The following NFIA variants were observed in gnomAD, a reference collection of about 807,000 sequenced individuals.
NFIA encodes nuclear factor I A.
Under a neutral mutation model 62.8 loss-of-function variants are expected in NFIA, and 8 were observed. That is an observed-to-expected ratio of 0.13 (90% CI 0.07 to 0.23). The LOEUF (loss-of-function observed/expected upper bound fraction) is 0.23. NFIA is among the 10% of genes least tolerant of loss of function. The pLI, the probability that NFIA is intolerant of heterozygous loss-of-function variation, is 1.00. For synonymous variants in NFIA, 235 were observed against 238.1 expected, an observed-to-expected ratio of 0.99 and a Z score of 0.12; for missense variants, 410 against 642.1, an observed-to-expected ratio of 0.64 and a Z score of 3.91.
intron 2 of NFIA, among the ~76,000 whole-genome samples, chr1:61,090,811 C>T (rs1291076103): frequency 6.6e-6 from 1 of 152,188 alleles, no homozygotes; most frequent in African/African-American, 2.4e-5. Flanking sequence ...ATGGCTGCTT[C>T]TCTGTGCGCG....
intron 9 of NFIA, among the ~76,000 whole-genome samples, chr1:61,412,443 A>G (rs1666148033): frequency 6.6e-6 from 1 of 152,124 alleles, no homozygotes; most frequent in Non-Finnish European, 1.5e-5. Flanking sequence ...GGTTCCAGGT[A>G]TATTTGAAAG....
chr1:61,345,567 C>A (rs112845568), intron 4 of NFIA, among the ~76,000 whole-genome samples: 52 of 152,314 alleles, frequency 3.4e-4, no homozygotes, highest in African/African-American at 1.2e-3. Flanking sequence ...AACCGGACTG[C>A]ACAGCAGGAG....
At position 61,083,345 on chromosome 1, in the gene NFIA, C is replaced by A. The variant is rs1222092814; in HGVS notation, c.27+527C>A. Among the ~76,000 whole-genome samples, 3 of 152,164 alleles carry A rather than the reference C, an allele frequency of 2.0e-5. No homozygotes were observed. The East Asian group carries it at 5.8e-4, about 29-fold the overall frequency. On this transcript the variant is annotated intron_variant, in intron 1 of 10. Transcript: ENST00000403491. Reference sequence around the variant, plus strand: ...GGAGACCTCGGGTGCCTGCGCCCAACGGCCCGCTCCCCGCAGCCTGCGCTG... The same window carrying A: ...GGAGACCTCGGGTGCCTGCGCCCAAAGGCCCGCTCCCCGCAGCCTGCGCTG...
At chr1:61,324,949 G>C (rs1180060444) in intron 3 of NFIA, among the ~76,000 whole-genome samples, 7 of 152,144 alleles carry the variant, frequency 4.6e-5, no homozygotes, top group Non-Finnish European at 1.0e-4. Context: ...CAATGAACAA[G>C]ACTTCAGTGA....
chr1:61,398,055 G>C (rs966719796), intron 7 of NFIA, among the ~76,000 whole-genome samples: 2 of 152,136 alleles, frequency 1.3e-5, no homozygotes, highest in African/African-American at 4.8e-5. Context: ...GAATTTTGTG[G>C]GTCTACACCA....
Position 61,267,315 on chromosome 1 carries a change from C to A in NFIA, c.560-10205C>A, listed in dbSNP as rs966809177. 5.9e-5 allele frequency among the ~76,000 whole-genome samples: 9 copies of A among 152,242 alleles called. No individual in the cohort carries two copies. In the South Asian group the frequency reaches 1.9e-3, roughly 32 times the overall value. ...CCTGAGGTCAGTAGTTCGAGAGCAG[C>A]CTGGCCAACATGGTGAAACCCTGTC... On this transcript the variant is annotated intron_variant, in intron 2 of 10. Coordinates refer to ENST00000403491, the MANE Select transcript of NFIA (RefSeq NM_001134673.4).
At chr1:61,128,202 G>C (rs1408760224) in intron 2 of NFIA, among the ~76,000 whole-genome samples, 1 of 152,046 alleles carries the variant, frequency 6.6e-6, no homozygotes. Context: ...TCCTGCCTCA[G>C]TCTCCCAAAG....
intron 2 of NFIA, among the ~76,000 whole-genome samples, chr1:61,152,594 T>A (rs1440483148): frequency 6.6e-6 from 1 of 152,232 alleles, no homozygotes; most frequent in South Asian, 2.1e-4. Context: ...ATCACTGGGC[T>A]ATTAAAGTTT....
At chr1:61,265,964 A>G (rs1657135204) in intron 2 of NFIA, among the ~76,000 whole-genome samples, 1 of 152,246 alleles carries the variant, frequency 6.6e-6, no homozygotes, top group African/African-American at 2.4e-5. Context: ...ACTTATGATC[A>G]GCAGCAAATA....
intron 2 of NFIA, among the ~76,000 whole-genome samples, chr1:61,266,089 A>G (rs1169821444): frequency 2.0e-5 from 3 of 152,186 alleles, no homozygotes; most frequent in African/African-American, 7.2e-5. Context: ...GCTGGAAAGA[A>G]CCTTTGCTGA....
chr1:61,193,717 A>G (rs1570354355), intron 2 of NFIA, among the ~76,000 whole-genome samples: 1 of 152,226 alleles, frequency 6.6e-6, no homozygotes, highest in East Asian at 1.9e-4. Context: ...CTGCAAAACC[A>G]CTAGGTCCTA....
chr1:61,383,483 A>G (rs1252108088), intron 7 of NFIA, 118 bp downstream of exon 7: 29 of 1,272,696 alleles, frequency 2.3e-5, no homozygotes, highest in Non-Finnish European at 2.9e-5. Context: ...GAGTGTTCCA[A>G]TTTCTTACCC....
At chr1:61,229,309 A>G (rs1019712540) in intron 2 of NFIA, among the ~76,000 whole-genome samples, 5 of 152,124 alleles carry the variant, frequency 3.3e-5, no homozygotes, top group Admixed American at 2.0e-4. Context: ...CCCGCAAATT[A>G]CTCAGTCATA....
At chr1:61,332,399 G>C (rs1389147999) in intron 3 of NFIA, 113 bp from the exon 4 acceptor site, 26 of 958,288 alleles carry the variant, frequency 2.7e-5, no homozygotes, top group Non-Finnish European at 4.1e-5. Flanking sequence ...GGAGAGCAGA[G>C]AATGAGATTA....
At chr1:61,155,248 T>C (rs1349235453) in intron 2 of NFIA, among the ~76,000 whole-genome samples, 1 of 152,228 alleles carries the variant, frequency 6.6e-6, no homozygotes, top group Non-Finnish European at 1.5e-5. Context: ...TGTAAAGGTA[T>C]ACTTTCTTAA....
intron 3 of NFIA, among the ~76,000 whole-genome samples, chr1:61,295,430 T>A (rs999317229): frequency 5.9e-5 from 9 of 152,222 alleles, no homozygotes; most frequent in African/African-American, 2.2e-4. Flanking sequence ...TTGCTCAGTC[T>A]TTTTCATCAT....
At chr1:61,214,893 G>A (rs1653511719) in intron 2 of NFIA, among the ~76,000 whole-genome samples, 1 of 152,124 alleles carries the variant, frequency 6.6e-6, no homozygotes. Flanking sequence ...ACAGGTCTTG[G>A]CTCCGAGTTA....
At chr1:61,449,028 ACAGT>A (rs759519691) in intron 10 of NFIA, among the ~76,000 whole-genome samples, 58 of 152,336 alleles carry the variant, frequency 3.8e-4, no homozygotes, top group Admixed American at 6.5e-4. Context: ...TGGGAGCAGC[ACAGT>A]CATTCTCCAG....
intron 2 of NFIA, among the ~76,000 whole-genome samples, chr1:61,179,882 G>A (rs79842054): frequency 6.6e-6 from 1 of 152,100 alleles, no homozygotes; most frequent in Non-Finnish European, 1.5e-5. Flanking sequence ...CTAGACTAAA[G>A]GTCCATCAGC....
Sources: allele counts gnomAD v4.1 joint callset (sites outside exome capture counted in the v4.1 genomes callset), GRCh38; gene constraint gnomAD v4.1.1; transcripts MANE v1.5; gene names NCBI Gene and HGNC (gene_info 2026-07-23, HGNC 2026-07-21).